The following ARHGAP15 variants were observed in gnomAD, a reference collection of about 807,000 sequenced individuals.
The protein encoded by ARHGAP15 is Rho GTPase activating protein 15.
Under a neutral mutation model 63.7 loss-of-function variants are expected in ARHGAP15, and 51 were observed. The ratio of observed to expected loss-of-function variants is 0.80; its 90% confidence interval spans 0.64 to 1.01. The LOEUF is 1.01. Among genes scored for constraint, ARHGAP15 ranks in the 50% least tolerant of loss-of-function variants. ARHGAP15 has a pLI of 0.00. For synonymous variants in ARHGAP15, 191 were observed against 193.8 expected (o/e 0.99, Z 0.12); for missense variants, 560 against 564.6 (o/e 0.99, Z 0.08).
intron 11 of ARHGAP15, among the ~76,000 whole-genome samples, chr2:143,613,991 G>A (rs1255992538): frequency 6.6e-6 from 1 of 152,074 alleles, no homozygotes; most frequent in African/African-American, 2.4e-5. Context: ...TCAACACCCT[G>A]AGATATGGAA....
chr2:143,287,344 A>G (rs1203611543), intron 6 of ARHGAP15, among the ~76,000 whole-genome samples: 2 of 152,180 alleles, frequency 1.3e-5, no homozygotes, highest in African/African-American at 4.8e-5. Context: ...TTCCTTTCTC[A>G]AAATCCATCT....
chr2:143,152,404 C>T (rs1187807450), intron 1 of ARHGAP15, among the ~76,000 whole-genome samples: 3 of 152,078 alleles, frequency 2.0e-5, no homozygotes, highest in East Asian at 1.9e-4. Flanking sequence ...TGCAGACTTC[C>T]TCTCTCTCCA....
At chr2:143,144,646 A>G (rs1295944055) in intron 1 of ARHGAP15, among the ~76,000 whole-genome samples, 1 of 152,020 alleles carries the variant, frequency 6.6e-6, no homozygotes, top group African/African-American at 2.4e-5. Context: ...TATTTACAGC[A>G]TCATTTTCAT....
chr2:143,397,003 T>C (rs531832398), intron 6 of ARHGAP15, among the ~76,000 whole-genome samples: 3 of 152,110 alleles, frequency 2.0e-5, no homozygotes, highest in Admixed American at 2.0e-4. Flanking sequence ...TCTGGAAAAG[T>C]CTTTGACATT....
intron 12 of ARHGAP15, among the ~76,000 whole-genome samples, chr2:143,692,326 C>G (rs191769913): frequency 2.6e-5 from 4 of 152,304 alleles, no homozygotes; most frequent in Admixed American, 6.5e-5. Context: ...GCTTGCACTG[C>G]CGCACAGTGG....
At chr2:143,458,035 T>C (rs915986669) in intron 8 of ARHGAP15, among the ~76,000 whole-genome samples, 1 of 151,996 alleles carries the variant, frequency 6.6e-6, no homozygotes. Context: ...CTAAAAGTTA[T>C]TTGGAAAGTA....
chr2:143,648,614 TAA>T (rs1399472890), intron 12 of ARHGAP15: 1 of 152,004 alleles, frequency 6.6e-6, no homozygotes, highest in Non-Finnish European at 1.5e-5. Flanking sequence ...CGCTTTGTTA[TAA>T]AACTACTTCA....
intron 6 of ARHGAP15, among the ~76,000 whole-genome samples, chr2:143,255,175 A>C (rs1680357736): frequency 6.6e-6 from 1 of 152,092 alleles, no homozygotes; most frequent in African/African-American, 2.4e-5. Flanking sequence ...CCAATTAATA[A>C]ATCATGGCTG....
chr2:143,249,591 T>C (rs545918661), intron 5 of ARHGAP15, among the ~76,000 whole-genome samples: 17 of 152,246 alleles, frequency 1.1e-4, no homozygotes, highest in African/African-American at 3.6e-4. Flanking sequence ...AATTTATCTG[T>C]GGAGAAACTT....
chr2:143,615,423 G>C (rs920305246), intron 11 of ARHGAP15, among the ~76,000 whole-genome samples: 1 of 152,124 alleles, frequency 6.6e-6, no homozygotes, highest in African/African-American at 2.4e-5. Flanking sequence ...TAAGGGGAAT[G>C]ATAAAAGCCA....
chr2:143,290,571 CTTTT>C (rs199588894), intron 6 of ARHGAP15, among the ~76,000 whole-genome samples: 1 of 151,830 alleles, frequency 6.6e-6, no homozygotes, highest in Non-Finnish European at 1.5e-5. Flanking sequence ...ATTTAGAAAA[CTTTT>C]TTTTAACATT....
At chr2:143,552,102 T>C (rs559754777) in intron 10 of ARHGAP15, among the ~76,000 whole-genome samples, 11 of 152,336 alleles carry the variant, frequency 7.2e-5, no homozygotes, top group Admixed American at 5.9e-4. Flanking sequence ...ATGGCACTTC[T>C]TGTGGTAGCT....
At chr2:143,555,714 A>T (rs1277709260) in intron 10 of ARHGAP15, among the ~76,000 whole-genome samples, 3 of 152,082 alleles carry the variant, frequency 2.0e-5, no homozygotes, top group Admixed American at 2.0e-4. Context: ...AGATTTTTTA[A>T]ATTTTTCTCT....
chr2:143,567,803 C>T (rs1031668838), intron 11 of ARHGAP15, among the ~76,000 whole-genome samples: 2 of 152,142 alleles, frequency 1.3e-5, no homozygotes, highest in African/African-American at 2.4e-5. Context: ...CCTCACCTTC[C>T]GTTTGCCAGA....
chr2:143,574,621 T>C (rs1559059022), intron 11 of ARHGAP15, among the ~76,000 whole-genome samples: 1 of 152,152 alleles, frequency 6.6e-6, no homozygotes, highest in African/African-American at 2.4e-5. Flanking sequence ...CCCACTTGGT[T>C]ATGACGAGCA....
chr2:143,178,751 G>A (rs540152318), intron 2 of ARHGAP15, among the ~76,000 whole-genome samples: 14 of 152,260 alleles, frequency 9.2e-5, no homozygotes, highest in African/African-American at 2.6e-4. Flanking sequence ...AAGCCACTGC[G>A]TCAGGCCCAT....
At chr2:143,437,836 C>T (rs1224778622) in intron 8 of ARHGAP15, among the ~76,000 whole-genome samples, 1 of 152,068 alleles carries the variant, frequency 6.6e-6, no homozygotes, top group Non-Finnish European at 1.5e-5. Context: ...TCATCCTGGT[C>T]AACATGGCCA....
At chr2:143,230,011 T>A (rs1227983223) in intron 5 of ARHGAP15, among the ~76,000 whole-genome samples, 1 of 152,204 alleles carries the variant, frequency 6.6e-6, no homozygotes, top group African/African-American at 2.4e-5. Flanking sequence ...TTTGTTTTTA[T>A]TTTTGGATAC....
rs147836701 is a variant in ARHGAP15, at chr2:143,193,518, A to G, written c.166-8616A>G. The G allele has an allele frequency of 5.3e-4, 81 of 152,770 alleles. No individual in the cohort carries two copies. In the East Asian group the frequency reaches 0.016, roughly 29 times the overall value. 9.5% of individuals were successfully genotyped at this position (152,770 alleles called of 1,614,324 possible). A position where few individuals can be genotyped will look rare whatever the true frequency, so the allele number is the denominator to read the frequency against. On this transcript the variant is annotated intron_variant, in intron 2 of 13. Coordinates refer to ENST00000295095, the MANE Select transcript of ARHGAP15 (RefSeq NM_018460.4). ...GAAGGTGAGTTTAGGGTCTCTGAAA[A>G]TCTCAAAGAATAAGTGAAGAAAGGA...
Sources: gnomAD v4.1 joint callset for allele counts (sites outside exome capture counted in the v4.1 genomes callset) on GRCh38, gnomAD v4.1.1 for gene constraint, MANE v1.5 for transcripts, NCBI Gene and HGNC (gene_info 2026-07-23, HGNC 2026-07-21) for gene names.